PACRGL: variants seen among roughly 807,000 people sequenced by gnomAD.
The protein encoded by PACRGL is PACRG-like protein.
Under a neutral mutation model 34.5 loss-of-function variants are expected in PACRGL, and 38 were observed. That is an observed-to-expected ratio of 1.10 (90% CI 0.85 to 1.44). The LOEUF is 1.44. Among genes scored for constraint, PACRGL ranks in the 40% most tolerant of loss-of-function variants. The pLI, the probability that PACRGL is intolerant of heterozygous loss-of-function variation, is 0.00. For synonymous variants in PACRGL, 128 were observed against 100.1 expected (o/e 1.28, Z -1.66); for missense variants, 305 against 281.4 (o/e 1.08, Z -0.60).
In PACRGL at chr4:20,725,850, T is replaced by C. The variant is rs1269127293; in HGVS notation, c.690+962T>C. On this transcript the variant is annotated intron_variant, in intron 8 of 8. Transcript: ENST00000503585. ...GCCTACTAGATAATGAATTTCTTTG[T>C]TGTGTTTGGGTCCTAGGCAGAGTAT... is the stretch of plus-strand genomic sequence containing the variant. Among the ~76,000 whole-genome samples the C allele has an allele frequency of 4.0e-5, 6 of 151,796 alleles. No homozygotes were observed. In the South Asian group the frequency reaches 1.3e-3, roughly 32 times the overall value.
the PACRGL span, among the ~76,000 whole-genome samples, chr4:20,763,446 T>A: frequency 2.3e-3 from 345 of 152,272 alleles, 7 homozygotes; most frequent in South Asian, 0.044. Context: ...GACTGTGTCA[T>A]CCAGAAGGAG....
the PACRGL span, among the ~76,000 whole-genome samples, chr4:20,758,145 A>T: frequency 1.3e-5 from 2 of 152,182 alleles, no homozygotes; most frequent in African/African-American, 4.8e-5. Context: ...TCTGTTAGGT[A>T]ATTGAAAGAA....
intron 8 of PACRGL, chr4:20,749,594 T>C: frequency 1.8e-6 from 2 of 1,114,646 alleles, no homozygotes; most frequent in Non-Finnish European, 2.6e-6. Flanking sequence ...ATCACCAAAC[T>C]CACATTTTCC....
chr4:20,717,444 T>C (rs1740669979), intron 7 of PACRGL, among the ~76,000 whole-genome samples: 1 of 152,208 alleles, frequency 6.6e-6, no homozygotes, highest in Admixed American at 6.5e-5. Flanking sequence ...CTAGGTTTTC[T>C]TTTAGGGTTT....
At position 20,728,034 on chromosome 4, in the gene PACRGL, AC is replaced by A. The variant is rs1223222529; in HGVS notation, c.*694del. 1.3e-5 allele frequency: 2 copies of A among 152,468 alleles called. No homozygotes were observed. The highest frequency in any genetic ancestry group is 3.9e-4 in the East Asian group (2 of 5,194). The allele number at this position is 152,468 out of a possible 1,614,324, so 9.4% of individuals were successfully genotyped here. On this transcript the variant is annotated 3_prime_UTR_variant, in exon 9 of 9. Coordinates refer to ENST00000503585, the MANE Select transcript of PACRGL (RefSeq NM_001258345.3). ...CAGAATTCTGGTGAGTGATCCTCCC[AC>A]AGTGGACTTCCAAAGTGCTGGGATT...
At chr4:20,715,640 G>A (rs1447718054) in intron 7 of PACRGL, among the ~76,000 whole-genome samples, 1 of 152,076 alleles carries the variant, frequency 6.6e-6, no homozygotes, top group Non-Finnish European at 1.5e-5. Flanking sequence ...GCTGAGGTGG[G>A]TGGATTGCCT....
intron 7 of PACRGL, among the ~76,000 whole-genome samples, chr4:20,715,374 GTAAC>G (rs891237777): frequency 4.6e-5 from 7 of 151,860 alleles, no homozygotes; most frequent in African/African-American, 1.7e-4. Flanking sequence ...GTATACATAT[GTAAC>G]TAACCTGCAC....
At position 20,715,396 on chromosome 4, in the gene PACRGL, A is replaced by G. The variant is rs528471489; in HGVS notation, c.609+1857A>G. 1.4e-4 allele frequency among the ~76,000 whole-genome samples: 22 copies of G among 152,260 alleles called. No individual in the cohort carries two copies. The South Asian group carries it at 4.6e-3, about 32-fold the overall frequency. ...TATGTAACTAACCTGCACATTGTGCACATGTACCCTAAAACTTAAAGTATA... is the reference window on the plus strand; with the variant it reads ...TATGTAACTAACCTGCACATTGTGCGCATGTACCCTAAAACTTAAAGTATA... On this transcript the variant is annotated intron_variant, in intron 7 of 8. Coordinates refer to ENST00000503585, the MANE Select transcript of PACRGL (RefSeq NM_001258345.3).
At chr4:20,756,900 G>A (rs756247683), downstream of PACRGL, among the ~76,000 whole-genome samples, 3 of 151,986 alleles carry the variant, frequency 2.0e-5, no homozygotes, top group Non-Finnish European at 4.4e-5. Flanking sequence ...CATGGAGCTT[G>A]CAACCTTTTA....
At chr4:20,722,572 T>C (rs1560359861) in intron 7 of PACRGL, among the ~76,000 whole-genome samples, 1 of 152,028 alleles carries the variant, frequency 6.6e-6, no homozygotes, top group Admixed American at 6.6e-5. Flanking sequence ...GTGTCCAGGG[T>C]TTTTATTGGT....
upstream of PACRGL, among the ~76,000 whole-genome samples, chr4:20,699,206 A>G (rs1352859607): frequency 1.3e-5 from 2 of 151,054 alleles, no homozygotes; most frequent in Non-Finnish European, 2.9e-5. Context: ...AAAGTAGCTG[A>G]AGATACAGGA....
chr4:20,715,481 T>C (rs930472632), intron 7 of PACRGL, among the ~76,000 whole-genome samples: 2 of 152,054 alleles, frequency 1.3e-5, no homozygotes, highest in African/African-American at 4.8e-5. Flanking sequence ...GCAAAAAATA[T>C]ACAGATCGTT....
Position 20,732,231 on chromosome 4 carries a change from A to ATGAT in PACRGL, c.*4891_*4894dup, listed in dbSNP as rs943639097. Among the ~76,000 whole-genome samples, 9 of 152,232 alleles carry ATGAT rather than the reference A, an allele frequency of 5.9e-5. No individual in the cohort carries two copies. The highest frequency in any genetic ancestry group is 1.4e-4 in the African/African-American group (6 of 41,466). On this transcript the variant is annotated 3_prime_UTR_variant, in exon 9 of 9. Transcript: ENST00000503585. ...AACCAGCAGTTTTTTAGAGATAAAA[A>ATGAT]TGATAGGGCCAAATGCTTCTGGCTT...
intron 8 of PACRGL, among the ~76,000 whole-genome samples, chr4:20,738,454 C>T (rs1750231650): frequency 6.6e-6 from 1 of 152,114 alleles, no homozygotes; most frequent in South Asian, 2.1e-4. Flanking sequence ...TGAAGTGGGA[C>T]CCCAAAATTT....
chr4:20,726,073 C>G (rs1443383521), intron 8 of PACRGL, among the ~76,000 whole-genome samples: 1 of 151,972 alleles, frequency 6.6e-6, no homozygotes, highest in Non-Finnish European at 1.5e-5. Context: ...GAAACGCTCC[C>G]TAGGTGATTT....
downstream of PACRGL, among the ~76,000 whole-genome samples, chr4:20,755,284 G>A (rs887950965): frequency 6.6e-6 from 1 of 152,062 alleles, no homozygotes; most frequent in Non-Finnish European, 1.5e-5. Context: ...GCACAAAATT[G>A]TTTTAAATCC....
intron 7 of PACRGL, among the ~76,000 whole-genome samples, chr4:20,717,049 C>G (rs2149132211): frequency 6.6e-6 from 1 of 152,312 alleles, no homozygotes; most frequent in South Asian, 2.1e-4. Flanking sequence ...GATGGTATCT[C>G]ATTGTGGTTT....
the PACRGL span, among the ~76,000 whole-genome samples, chr4:20,763,722 G>C: frequency 2.6e-5 from 4 of 151,992 alleles, no homozygotes; most frequent in African/African-American, 9.7e-5. Context: ...TTTATTTATT[G>C]ATTTTTATTT....
At chr4:20,707,371 C>T (rs1345342037) in intron 3 of PACRGL, among the ~76,000 whole-genome samples, 3 of 152,170 alleles carry the variant, frequency 2.0e-5, no homozygotes, top group Non-Finnish European at 4.4e-5. Context: ...CCAGCGCAAT[C>T]CTTTGTTTTT....
Sources: allele counts gnomAD v4.1 joint callset (sites outside exome capture counted in the v4.1 genomes callset), GRCh38; gene constraint gnomAD v4.1.1; transcripts MANE v1.5; gene names NCBI Gene and HGNC (gene_info 2026-07-23, HGNC 2026-07-21).